NAV2: variants seen among roughly 807,000 people sequenced by gnomAD.
The protein encoded by NAV2 is helicase, APC down-regulated 1.
A neutral mutation model predicts 223.2 loss-of-function variants in NAV2; 54 were observed. The ratio of observed to expected loss-of-function variants is 0.24; its 90% CI spans 0.19 to 0.30. The LOEUF is 0.30. NAV2 is among the 10% of genes least tolerant of loss of function. The probability of loss-of-function intolerance (pLI) is 1.00; values close to 1 mark genes in which losing one functional copy is unlikely to be tolerated. For missense variants in NAV2, 2,806 were observed against 3,147.5 expected (o/e 0.89, Z 2.60); for synonymous variants, 1,279 against 1,239.3 (o/e 1.03, Z -0.67).
At chr11:19,874,265 A>G (rs771774699) in intron 4 of NAV2, among the ~76,000 whole-genome samples, 14 of 152,236 alleles carry the variant, frequency 9.2e-5, no homozygotes, top group South Asian at 2.1e-4. Context: ...AGTCAAGGCA[A>G]TACTAATTCA....
chr11:19,404,344 A>G (rs1297183451), intron 1 of NAV2, among the ~76,000 whole-genome samples: 1 of 152,200 alleles, frequency 6.6e-6, no homozygotes, highest in Non-Finnish European at 1.5e-5. Flanking sequence ...GAACTTGGCA[A>G]GGGAGCAGAG....
At chr11:19,526,758 C>A (rs190646600) in intron 1 of NAV2, among the ~76,000 whole-genome samples, 4 of 152,280 alleles carry the variant, frequency 2.6e-5, no homozygotes, top group South Asian at 4.2e-4. Flanking sequence ...GGCTTGGCAA[C>A]CCCTTAGGAA....
chr11:19,692,538 T>A (rs181887893), intron 1 of NAV2, among the ~76,000 whole-genome samples: 1 of 152,358 alleles, frequency 6.6e-6, no homozygotes, highest in Non-Finnish European at 1.5e-5. Flanking sequence ...AATCATTCCT[T>A]GTTTGAGTCC....
intron 1 of NAV2, among the ~76,000 whole-genome samples, chr11:19,627,708 G>A (rs1304866252): frequency 6.6e-6 from 1 of 152,014 alleles, no homozygotes; most frequent in Non-Finnish European, 1.5e-5. Flanking sequence ...AGGAAGCCTG[G>A]TAAGAGAACA....
At chr11:19,473,953 C>T (rs770887381) in intron 1 of NAV2, among the ~76,000 whole-genome samples, 26 of 152,180 alleles carry the variant, frequency 1.7e-4, no homozygotes, top group Non-Finnish European at 3.4e-4. Flanking sequence ...TCTGAAGGGT[C>T]GTTCTAGCTC....
At chr11:19,884,491 A>G (rs1236822172) in intron 5 of NAV2, 4 of 746,678 alleles carry the variant, frequency 5.4e-6, no homozygotes, top group Non-Finnish European at 9.2e-6. Context: ...AGAAAACTAA[A>G]TGTGCTTTGG....
rs141076784 is a variant in NAV2, at chr11:19,927,761, T to G, written c.932-5415T>G. Among the ~76,000 whole-genome samples the G allele has an allele frequency of 3.1e-3, 475 of 152,236 alleles. 16 individuals carry two copies. In the South Asian group the frequency reaches 0.06, roughly 19 times the overall value. ...CTGCAATCAGCATTTTAGAACAGAC[T>G]AGAGTAGCATATATCAGAGTTTATT... On this transcript the variant is annotated intron_variant, in intron 6 of 37. Transcript: ENST00000349880.
At chr11:19,550,466 G>A (rs1399656534) in intron 1 of NAV2, among the ~76,000 whole-genome samples, 1 of 152,198 alleles carries the variant, frequency 6.6e-6, no homozygotes, top group Non-Finnish European at 1.5e-5. Context: ...CGTAGATGAG[G>A]CAACTGAGGC....
At chr11:20,104,147 T>G in intron 34 of NAV2, 1 of 197,954 alleles carries the variant, frequency 5.1e-6, no homozygotes, top group Non-Finnish European at 1.0e-5. Context: ...TGTCCCCACC[T>G]AGCTGGGTCT....
chr11:20,047,184 T>G (rs2057525629), intron 14 of NAV2, among the ~76,000 whole-genome samples: 1 of 152,218 alleles, frequency 6.6e-6, no homozygotes, highest in African/African-American at 2.4e-5. Context: ...ATTCACTCTT[T>G]GGTATTATAG....
At chr11:20,047,561 C>T (rs2057567602) in intron 14 of NAV2, among the ~76,000 whole-genome samples, 1 of 152,164 alleles carries the variant, frequency 6.6e-6, no homozygotes, top group Admixed American at 6.5e-5. Flanking sequence ...GGCAATGGAA[C>T]AAGTTACCCT....
At chr11:19,386,777 A>G (rs1223100110) in intron 1 of NAV2, among the ~76,000 whole-genome samples, 1 of 152,172 alleles carries the variant, frequency 6.6e-6, no homozygotes, top group Non-Finnish European at 1.5e-5. Context: ...CGAAAAGGCA[A>G]TGGGTAAAGG....
chr11:19,801,885 C>T (rs942906187), intron 1 of NAV2, among the ~76,000 whole-genome samples: 4 of 152,230 alleles, frequency 2.6e-5, no homozygotes, highest in South Asian at 4.2e-4. Flanking sequence ...GCATGTAGTA[C>T]GGTGTATGCC....
At chr11:19,514,211 G>C (rs535657718) in intron 1 of NAV2, among the ~76,000 whole-genome samples, 1 of 152,072 alleles carries the variant, frequency 6.6e-6, no homozygotes, top group East Asian at 1.9e-4. Flanking sequence ...TCTTCTCTAG[G>C]GTGTTTTGTG....
At chr11:19,459,861 C>T (rs1270945807) in intron 1 of NAV2, among the ~76,000 whole-genome samples, 1 of 152,112 alleles carries the variant, frequency 6.6e-6, no homozygotes, top group East Asian at 1.9e-4. Flanking sequence ...ATGCTATAGC[C>T]TGAGTTGTGT....
At position 20,076,994 on chromosome 11, in the gene NAV2, T is replaced by G. The variant is rs572831968; in HGVS notation, c.4984-558T>G. Among the ~76,000 whole-genome samples the G allele has an allele frequency of 7.4e-4, 112 of 152,258 alleles. 1 individual carries two copies. Among genetic ancestry groups the G allele is most frequent in the African/African-American group, 2.6e-3 (108 of 41,538 alleles). On this transcript the variant is annotated intron_variant, in intron 22 of 37. Transcript: ENST00000349880. ...TTCAGTGGCTTTTTATTAACCAGGATTATAACAAGCAAACTACGCCAACCA... is the reference window on the plus strand; with the variant it reads ...TTCAGTGGCTTTTTATTAACCAGGAGTATAACAAGCAAACTACGCCAACCA...
chr11:19,636,107 C>A (rs1161103828), intron 1 of NAV2, among the ~76,000 whole-genome samples: 1 of 152,196 alleles, frequency 6.6e-6, no homozygotes, highest in East Asian at 1.9e-4. Flanking sequence ...GAGGACTGGT[C>A]AATAGATTTG....
At chr11:19,725,466 A>G (rs552877657) in intron 1 of NAV2, among the ~76,000 whole-genome samples, 18 of 152,324 alleles carry the variant, frequency 1.2e-4, no homozygotes, top group Non-Finnish European at 2.4e-4. Context: ...CTTGCTGTCT[A>G]AAGTAACACG....
At chr11:19,736,026 C>A (rs1365971013) in intron 1 of NAV2, among the ~76,000 whole-genome samples, 1 of 152,140 alleles carries the variant, frequency 6.6e-6, no homozygotes, top group African/African-American at 2.4e-5. Flanking sequence ...ATAAAAAGAT[C>A]TTTTTCAAAA....
Sources: gnomAD v4.1 joint callset for allele counts (sites outside exome capture counted in the v4.1 genomes callset) on GRCh38, gnomAD v4.1.1 for gene constraint, MANE v1.5 for transcripts, NCBI Gene and HGNC (gene_info 2026-07-23, HGNC 2026-07-21) for gene names.